Variants in NPTX2 observed in about 807,000 individuals in gnomAD.
NPTX2 encodes neuronal pentraxin-2.
Under a neutral mutation model 38.1 loss-of-function variants are expected in NPTX2, and 23 were observed. That is an observed-to-expected ratio of 0.60 (90% CI 0.43 to 0.85). The LOEUF is 0.85. Among genes scored for constraint, NPTX2 ranks in the 40% least tolerant of loss-of-function variants. The probability of loss-of-function intolerance (pLI) is 0.00; values close to 1 mark genes in which losing one functional copy is unlikely to be tolerated. For missense variants in NPTX2, 553 were observed against 615.3 expected, an observed-to-expected ratio of 0.90 and a Z score of 1.07; for synonymous variants, 291 against 287.3, an observed-to-expected ratio of 1.01 and a Z score of -0.13.
chr7:98,619,135 A>G (rs970332812), intron 1 of NPTX2, among the ~76,000 whole-genome samples: 2 of 152,212 alleles, frequency 1.3e-5, no homozygotes, highest in Non-Finnish European at 2.9e-5. Flanking sequence ...CATTAAAAAC[A>G]AAGATTGCTG....
intron 2 of NPTX2, chr7:98,620,141 T>C (rs962937011): frequency 6.3e-6 from 3 of 473,542 alleles, no homozygotes; most frequent in African/African-American, 3.9e-5. Flanking sequence ...TGGCAGCGGA[T>C]TCTGTGTATC....
intron 3 of NPTX2, among the ~76,000 whole-genome samples, chr7:98,626,086 G>A (rs965360319): frequency 6.8e-6 from 1 of 147,482 alleles, no homozygotes; most frequent in East Asian, 2.0e-4. Flanking sequence ...TGTCGAGGCT[G>A]CAATGAACTA....
Position 98,619,691 on chromosome 7 carries a change from C to T in NPTX2, c.475C>T (p.Arg159Cys), listed in dbSNP as rs772697121. The change falls in exon 2 of 5, where the codon CGC (arginine) becomes TGC (cysteine). Residue 159 changes from arginine to cysteine, a missense_variant. Arg to Cys is a radical substitution (Grantham distance 180). Transcript: ENST00000265634. The stretch of plus-strand genomic sequence containing the variant: ...CAATGCTGGGCTGCCCGGCGACTTC[C>T]GCGAGGTGCTCCAGCAGCGGCTGGG... ...VSNAGLPGDF[R>C]EVLQQRLGEL... 3 of 1,613,338 alleles carry T rather than the reference C, an allele frequency of 1.9e-6. No homozygotes were observed. Among genetic ancestry groups the T allele is most frequent in the Non-Finnish European group, 1.7e-6 (2 of 1,180,044 alleles).
intron 2 of NPTX2, among the ~76,000 whole-genome samples, chr7:98,624,665 G>A (rs1045721451): frequency 6.6e-6 from 1 of 152,156 alleles, no homozygotes; most frequent in Non-Finnish European, 1.5e-5. Context: ...CGTACCTGCT[G>A]CTGGTTTCAT....
Position 98,628,464 on chromosome 7 carries a change from C to T in NPTX2, c.1131C>T (p.Asn377=), listed in dbSNP as rs978403577. 2 of 1,612,010 alleles carry T rather than the reference C, an allele frequency of 1.2e-6. No homozygotes were observed. Among genetic ancestry groups the T allele is most frequent in the Admixed American group, 1.7e-5 (1 of 59,884 alleles). ...TTGTCGGGGAGCTCAGCCAGTTCAA[C>T]ATATGGGACCGCGTCCTTCGCGCAC... ...QAFVGELSQF[N]IWDRVLRAQE... is the part of the protein sequence containing the mutation. The change falls in exon 5 of 5, where the codon AAC becomes AAT. Residue 377 remains asparagine, a synonymous_variant. Coordinates refer to ENST00000265634, the MANE Select transcript of NPTX2 (RefSeq NM_002523.3).
chr7:98,627,386 G>A (rs1273595167), intron 4 of NPTX2, 42 bp downstream of exon 4: 7 of 1,569,878 alleles, frequency 4.5e-6, no homozygotes, highest in Non-Finnish European at 6.1e-6. Context: ...GGTGGGTGCA[G>A]GATGGGCACA....
At chr7:98,621,244 CCAGAAAGAAACAGT>C (rs1467224602) in intron 2 of NPTX2, among the ~76,000 whole-genome samples, 2 of 152,114 alleles carry the variant, frequency 1.3e-5, no homozygotes, top group Non-Finnish European at 2.9e-5. Flanking sequence ...CCATTACCAG[CCAGAAAGAAACAGT>C]CAGGACTCAG....
In NPTX2 at chr7:98,617,338, C is replaced by G. The variant is rs1234807375; in HGVS notation, c.-124C>G. Reference sequence around the variant, plus strand: ...CTGTGAGACGGCAGGAGACTTCTGCCCCGCGGTGCACGCGACCCTCGAGAC... The same window carrying G: ...CTGTGAGACGGCAGGAGACTTCTGCGCCGCGGTGCACGCGACCCTCGAGAC... On this transcript the variant is annotated 5_prime_UTR_variant, in exon 1 of 5. Coordinates refer to ENST00000265634, the MANE Select transcript of NPTX2 (RefSeq NM_002523.3). 1 of 294,828 alleles carries G rather than the reference C, an allele frequency of 3.4e-6. No homozygotes were observed. Among genetic ancestry groups the G allele is most frequent in the Non-Finnish European group, 6.2e-6 (1 of 161,984 alleles). The allele number at this position is 294,828 out of a possible 1,614,324, so 18.3% of individuals were successfully genotyped here.
Position 98,628,502 on chromosome 7 carries a change from A to T in NPTX2, c.1169A>T (p.Asn390Ile), listed in dbSNP as rs202111578. 131 of 1,610,998 alleles carry T rather than the reference A, an allele frequency of 8.1e-5. No individual in the cohort carries two copies. Among genetic ancestry groups the T allele is most frequent in the Non-Finnish European group, 1.1e-4 (130 of 1,177,826 alleles). Residue 390 changes from asparagine to isoleucine, a missense_variant, in exon 5 of 5, where the codon AAC (asparagine) becomes ATC (isoleucine). Transcript: ENST00000265634. ...DRVLRAQEIVNIANCSTNMPG... is the reference protein window; with the variant it reads ...DRVLRAQEIVIIANCSTNMPG... The stretch of plus-strand genomic sequence containing the variant: ...GTCCTTCGCGCACAAGAAATTGTCA[A>T]CATCGCCAACTGCTCCACAAACATG...
chr7:98,617,415 C>A lies in NPTX2; in HGVS notation c.-47C>A. ...AGGCGCCTCCCGCGGAGCGCCCCGA[C>A]GGCGCCCGCTCGCCCATGCCGAGCT... On this transcript the variant is annotated 5_prime_UTR_variant, in exon 1 of 5. Coordinates refer to ENST00000265634, the MANE Select transcript of NPTX2 (RefSeq NM_002523.3). 2 of 606,380 alleles carry A rather than the reference C, an allele frequency of 3.3e-6. No individual in the cohort carries two copies. Among genetic ancestry groups the A allele is most frequent in the Non-Finnish European group, 2.3e-6 (1 of 434,152 alleles). The allele number at this position is 606,380 out of a possible 1,614,324, so 37.6% of individuals were successfully genotyped here. A position where few individuals can be genotyped will look rare whatever the true frequency, so the allele number is the denominator to read the frequency against.
chr7:98,622,923 G>A (rs1791292518), intron 2 of NPTX2, among the ~76,000 whole-genome samples: 1 of 152,186 alleles, frequency 6.6e-6, no homozygotes, highest in African/African-American at 2.4e-5. Context: ...GGGGATAGGG[G>A]GTTCTTCTGT....
Position 98,617,819 on chromosome 7 carries a change from C to G in NPTX2, c.358C>G (p.Pro120Ala). 1.3e-6 allele frequency: 2 copies of G among 1,539,054 alleles called. No individual in the cohort carries two copies. Among genetic ancestry groups the G allele is most frequent in the South Asian group, 1.2e-5 (1 of 84,618 alleles). The change falls in exon 1 of 5, where the codon CCC (proline) becomes GCC (alanine). Residue 120 changes from proline to alanine, a missense_variant. Physicochemically the swap from Pro to Ala is conservative, Grantham distance 27. Transcript: ENST00000265634. ...KDTMGDLPRD[P>A]GHVVEQLSRS... Reference sequence around the variant, plus strand: ...CACTATGGGCGACCTGCCGCGGGACCCCGGCCACGTCGTGGAGCAGCTCAG... The same window carrying G: ...CACTATGGGCGACCTGCCGCGGGACGCCGGCCACGTCGTGGAGCAGCTCAG...
In NPTX2 at chr7:98,627,172, A is replaced by AT; in HGVS notation, c.896_897insT (p.Gln299HisfsTer8). The AT allele has an allele frequency of 1.2e-6, 2 of 1,612,810 alleles. No individual in the cohort carries two copies. Among genetic ancestry groups the AT allele is most frequent in the Middle Eastern group, 3.3e-4 (2 of 6,052 alleles). The stretch of plus-strand genomic sequence containing the variant: ...GCACATTGCTGCTCACAGGTTGCGC[A>AT]GCTGCCCCTGTTTGTCAGTGACGGC... On this transcript the variant is annotated frameshift_variant, in exon 4 of 5. Transcript: ENST00000265634. LOFTEE classifies it high-confidence loss of function.
At chr7:98,618,583 C>CG (rs1791218704) in intron 1 of NPTX2, among the ~76,000 whole-genome samples, 1 of 64,732 alleles carries the variant, frequency 1.5e-5, no homozygotes, top group African/African-American at 7.5e-5. Context: ...CCCCTCCCCC[C>CG]CTCCCCCTCC....
chr7:98,618,748 G>A (rs1240881283), intron 1 of NPTX2, among the ~76,000 whole-genome samples: 1 of 151,828 alleles, frequency 6.6e-6, no homozygotes, highest in East Asian at 1.9e-4. Context: ...AATAGCCTTT[G>A]TGAAAATACT....
In NPTX2 at chr7:98,628,636, TCTC is replaced by T. The variant is rs761712089; in HGVS notation, c.*11_*13del. 2.1e-6 allele frequency: 3 copies of T among 1,410,686 alleles called. No individual in the cohort carries two copies. The allele number at this position is 1,410,686 out of a possible 1,614,324, so 87.4% of individuals were successfully genotyped here. ...GCGTCTCCTTGACTTGTAGCCGCCT[TCTC>T]CTCTGTCCAGGAGGCCGGGATCAGG... On this transcript the variant is annotated 3_prime_UTR_variant, in exon 5 of 5. Coordinates refer to ENST00000265634, the MANE Select transcript of NPTX2 (RefSeq NM_002523.3).
intron 2 of NPTX2, among the ~76,000 whole-genome samples, chr7:98,624,419 A>G (rs184837303): frequency 1.3e-4 from 20 of 152,244 alleles, no homozygotes; most frequent in Admixed American, 1.1e-3. Context: ...CTAGATTTCA[A>G]GAGGCCTCTT....
At chr7:98,619,031 G>A (rs752989257) in intron 1 of NPTX2, among the ~76,000 whole-genome samples, 15 of 152,160 alleles carry the variant, frequency 9.9e-5, no homozygotes, top group Non-Finnish European at 2.1e-4. Flanking sequence ...TAAATAGCTT[G>A]CCATGAACTC....
rs778049666 is a variant in NPTX2, at chr7:98,624,915, C to T, written c.644-7C>T. 1 of 1,604,176 alleles carries T rather than the reference C, an allele frequency of 6.2e-7. No homozygotes were observed. The highest frequency in any genetic ancestry group is 8.5e-7 in the Non-Finnish European group (1 of 1,172,452). ...CACTCCTGGCCTCTCTTCCTCCCAACCCCCAGGCAATAGCGCCTTTAAGTC... is the reference window on the plus strand; with the variant it reads ...CACTCCTGGCCTCTCTTCCTCCCAATCCCCAGGCAATAGCGCCTTTAAGTC... On this transcript the variant is annotated splice_polypyrimidine_tract_variant and splice_region_variant and intron_variant, in intron 2 of 4. Coordinates refer to ENST00000265634, the MANE Select transcript of NPTX2 (RefSeq NM_002523.3).
Sources: allele counts gnomAD v4.1 joint callset (sites outside exome capture counted in the v4.1 genomes callset), GRCh38; gene constraint gnomAD v4.1.1; transcripts MANE v1.5; gene names NCBI Gene and HGNC (gene_info 2026-07-23, HGNC 2026-07-21).